The following TMPRSS15 variants were observed in gnomAD, a reference collection of about 807,000 sequenced individuals.
TMPRSS15 encodes the protein transmembrane serine protease 15.
In TMPRSS15, 128 loss-of-function variants were observed where a neutral mutation model predicts 125.3. The observed-to-expected ratio is 1.02, with a 90% CI of 0.89 to 1.18. The LOEUF (loss-of-function observed/expected upper bound fraction) is 1.18. Ranked by LOEUF, TMPRSS15 falls within the 50% of genes most tolerant of loss-of-function variation. TMPRSS15 has a pLI of 0.00. For synonymous variants in TMPRSS15, 446 were observed against 423.2 expected, an observed-to-expected ratio of 1.05 and a Z score of -0.66; for missense variants, 1,283 against 1,212.7, an observed-to-expected ratio of 1.06 and a Z score of -0.86.
chr21:18,337,807 T>G (rs973580125), intron 13 of TMPRSS15, among the ~76,000 whole-genome samples: 3 of 152,284 alleles, frequency 2.0e-5, no homozygotes, highest in Admixed American at 2.0e-4. Context: ...GTCATTGATC[T>G]GGAACCAAAA....
intron 16 of TMPRSS15, among the ~76,000 whole-genome samples, chr21:18,317,901 T>C (rs553479198): frequency 0.011 from 1,342 of 119,492 alleles, 14 homozygotes; most frequent in South Asian, 0.045. Context: ...TCCCATCCCA[T>C]CCCATCCTAT....
chr21:18,367,294 T>C (rs973403504), intron 6 of TMPRSS15, among the ~76,000 whole-genome samples: 1 of 152,196 alleles, frequency 6.6e-6, no homozygotes, highest in South Asian at 2.1e-4. Flanking sequence ...GCATAATGAT[T>C]ACTGCAACAA....
chr21:18,326,867 A>T (rs1403409300), intron 15 of TMPRSS15, among the ~76,000 whole-genome samples: 2 of 152,244 alleles, frequency 1.3e-5, no homozygotes, highest in East Asian at 3.8e-4. Context: ...AGCTCATGTT[A>T]TCCCAGACAA....
At chr21:18,286,401 T>C (rs1155077) in intron 21 of TMPRSS15, among the ~76,000 whole-genome samples, 114,860 of 152,108 alleles carry the variant, frequency 0.76, 43,826 homozygotes, top group East Asian at 0.96. Flanking sequence ...TGTATGTCCA[T>C]AGGCTGACAT....
intron 21 of TMPRSS15, among the ~76,000 whole-genome samples, chr21:18,282,336 A>G (rs1471292724): frequency 6.6e-6 from 1 of 152,212 alleles, no homozygotes; most frequent in Non-Finnish European, 1.5e-5. Flanking sequence ...AGGAATTATC[A>G]GCTGGAATTA....
chr21:18,311,732 C>T (rs965757640), intron 18 of TMPRSS15, among the ~76,000 whole-genome samples: 16 of 152,164 alleles, frequency 1.1e-4, no homozygotes, highest in Non-Finnish European at 2.2e-4. Context: ...ACTTCCACTG[C>T]TGGGCATATA....
At chr21:18,322,825 T>C (rs1169340265) in intron 16 of TMPRSS15, among the ~76,000 whole-genome samples, 2 of 152,206 alleles carry the variant, frequency 1.3e-5, no homozygotes, top group African/African-American at 4.8e-5. Flanking sequence ...ATAAAATGAC[T>C]ATAGTTAACA....
chr21:18,436,543 A>G (rs574027069), intron 1 of TMPRSS15, among the ~76,000 whole-genome samples: 5 of 151,730 alleles, frequency 3.3e-5, no homozygotes, highest in Non-Finnish European at 7.4e-5. Flanking sequence ...AGAAAACCCC[A>G]TTGTCTCAGC....
chr21:18,341,557 C>A lies in TMPRSS15; in HGVS notation c.1429-9G>T. On this transcript the variant is annotated splice_polypyrimidine_tract_variant and intron_variant, in intron 12 of 24. Coordinates refer to ENST00000284885, the MANE Select transcript of TMPRSS15 (RefSeq NM_002772.3). ...AAAGCATTAAAAGCAACCTGCAATTCAGAGAGGCATATGAAACGATTTGAT... is the reference window on the plus strand; with the variant it reads ...AAAGCATTAAAAGCAACCTGCAATTAAGAGAGGCATATGAAACGATTTGAT... 2 of 1,613,930 alleles carry A rather than the reference C, an allele frequency of 1.2e-6. No individual in the cohort carries two copies. Among genetic ancestry groups the A allele is most frequent in the Non-Finnish European group, 1.7e-6 (2 of 1,179,878 alleles).
At chr21:18,407,116 G>A (rs571730956), upstream of TMPRSS15, among the ~76,000 whole-genome samples, 44 of 152,134 alleles carry the variant, frequency 2.9e-4, no homozygotes, top group Admixed American at 1.4e-3. Context: ...GAGTGTACCC[G>A]GAAACGATAA....
intron 14 of TMPRSS15, 115 bp downstream of exon 14, chr21:18,331,969 A>G (rs2075349506): frequency 9.8e-6 from 8 of 819,726 alleles, no homozygotes; most frequent in Non-Finnish European, 1.7e-5. Context: ...TTATAGGTAG[A>G]CATGATAGGC....
Position 18,269,863 on chromosome 21 carries a change from A to C in TMPRSS15, c.*106T>G. 1 of 1,422,108 alleles carries C rather than the reference A, an allele frequency of 7.0e-7. No individual in the cohort carries two copies. Among genetic ancestry groups the C allele is most frequent in the Non-Finnish European group, 9.7e-7 (1 of 1,034,754 alleles). The allele number at this position is 1,422,108 out of a possible 1,614,324, so 88.1% of individuals were successfully genotyped here. ...TTCATTGACATAGGTAAGAATAAAAACCTTTGGTAACTTTTTAAAATTTTT... is the reference window on the plus strand; with the variant it reads ...TTCATTGACATAGGTAAGAATAAAACCCTTTGGTAACTTTTTAAAATTTTT... On this transcript the variant is annotated 3_prime_UTR_variant, in exon 25 of 25. Transcript: ENST00000284885.
At chr21:18,478,257 T>C (rs781757243) in intron 1 of TMPRSS15, among the ~76,000 whole-genome samples, 20 of 151,512 alleles carry the variant, frequency 1.3e-4, no homozygotes, top group Admixed American at 4.6e-4. Context: ...ATCATTTTCA[T>C]GTCTCCATCT....
At chr21:18,345,033 T>C (rs1361105207) in intron 10 of TMPRSS15, among the ~76,000 whole-genome samples, 3 of 152,122 alleles carry the variant, frequency 2.0e-5, no homozygotes, top group Non-Finnish European at 4.4e-5. Context: ...GAACAAGGCA[T>C]AAAGAAAAGA....
intron 1 of TMPRSS15, among the ~76,000 whole-genome samples, chr21:18,426,550 A>G (rs986957795): frequency 1.3e-5 from 2 of 152,228 alleles, no homozygotes; most frequent in African/African-American, 4.8e-5. Flanking sequence ...ACCTGTTTTC[A>G]TCTTTAAACA....
chr21:18,453,835 G>A (rs190450715), intron 1 of TMPRSS15, among the ~76,000 whole-genome samples: 259 of 152,260 alleles, frequency 1.7e-3, no homozygotes, highest in Non-Finnish European at 3.3e-3. Flanking sequence ...AGGAAATCCT[G>A]CCATTTGAGA....
In TMPRSS15 at chr21:18,322,970, T is replaced by G. The variant is rs185506974; in HGVS notation, c.1921+3462A>C. 2.2e-4 allele frequency among the ~76,000 whole-genome samples: 34 copies of G among 152,316 alleles called. No individual in the cohort carries two copies. The East Asian group carries it at 6.6e-3, about 29-fold the overall frequency. On this transcript the variant is annotated intron_variant, in intron 16 of 24. Transcript: ENST00000284885. ...ATGATTATAAATTGTATGCTTGTAT[T>G]AAAATATTACATATACTCCATAAAC...
At chr21:18,437,011 C>T (rs1272641446) in intron 1 of TMPRSS15, among the ~76,000 whole-genome samples, 14 of 144,198 alleles carry the variant, frequency 9.7e-5, no homozygotes, top group Admixed American at 2.1e-4. Flanking sequence ...GAGCCCGCAT[C>T]GCCAAGTCAA....
At chr21:18,331,036 G>T (rs1236200305) in intron 14 of TMPRSS15, among the ~76,000 whole-genome samples, 2 of 136,790 alleles carry the variant, frequency 1.5e-5, no homozygotes, top group Non-Finnish European at 3.0e-5. Context: ...TCGCACCACT[G>T]CACTCCAGCC....
Sources: allele counts gnomAD v4.1 joint callset (sites outside exome capture counted in the v4.1 genomes callset), GRCh38; gene constraint gnomAD v4.1.1; transcripts MANE v1.5; gene names NCBI Gene and HGNC (gene_info 2026-07-23, HGNC 2026-07-21).